The following HPSE2 variants were observed in gnomAD, a reference collection of about 807,000 sequenced individuals.
HPSE2 encodes inactive heparanase-2.
In HPSE2, 38 loss-of-function variants were observed where a neutral mutation model predicts 60.5. The observed-to-expected ratio is 0.63, with a 90% confidence interval of 0.48 to 0.82. The LOEUF (loss-of-function observed/expected upper bound fraction) is 0.82. Among genes scored for constraint, HPSE2 ranks in the 40% least tolerant of loss-of-function variants. HPSE2 has a pLI of 0.00. For synonymous variants in HPSE2, 295 were observed against 293.2 expected, an observed-to-expected ratio of 1.01 and a Z score of -0.06; for missense variants, 713 against 740.4, an observed-to-expected ratio of 0.96 and a Z score of 0.43.
the HPSE2 span, among the ~76,000 whole-genome samples, chr10:99,268,228 T>C: frequency 6.6e-6 from 1 of 152,196 alleles, no homozygotes; most frequent in South Asian, 2.1e-4. Flanking sequence ...AGATACAGCC[T>C]GTTTCAACAA....
At chr10:99,166,297 T>C (rs1847080563) in intron 2 of HPSE2, among the ~76,000 whole-genome samples, 1 of 152,206 alleles carries the variant, frequency 6.6e-6, no homozygotes, top group Non-Finnish European at 1.5e-5. Flanking sequence ...TGAACATTAG[T>C]TTTCAGTTGA....
chr10:98,604,636 T>C (rs1337395694), intron 9 of HPSE2, among the ~76,000 whole-genome samples: 1 of 152,196 alleles, frequency 6.6e-6, no homozygotes, highest in Non-Finnish European at 1.5e-5. Flanking sequence ...CAGTCGTAAG[T>C]ACTATAACAG....
chr10:99,238,934 C>T (rs747830076), upstream of HPSE2, among the ~76,000 whole-genome samples: 6 of 151,952 alleles, frequency 3.9e-5, no homozygotes, highest in Non-Finnish European at 7.4e-5. Context: ...CCAAGGCAGG[C>T]GGATCACCTG....
chr10:98,477,884 A>T (rs1407866944), intron 11 of HPSE2, among the ~76,000 whole-genome samples: 1 of 150,692 alleles, frequency 6.6e-6, no homozygotes, highest in Non-Finnish European at 1.5e-5. Flanking sequence ...TTCTCATAGA[A>T]GTGTGAACCC....
chr10:99,119,674 C>T (rs1455683623), intron 3 of HPSE2, among the ~76,000 whole-genome samples: 1 of 152,164 alleles, frequency 6.6e-6, no homozygotes, highest in African/African-American at 2.4e-5. Context: ...GGCATTACAT[C>T]ATACTACCTG....
At chr10:99,013,203 G>C in intron 3 of HPSE2, 1 of 667,292 alleles carries the variant, frequency 1.5e-6, no homozygotes, top group Admixed American at 1.9e-5. Flanking sequence ...ATCTTTAATA[G>C]ATGTTAGCTT....
At chr10:98,531,562 A>G (rs1943132149) in intron 9 of HPSE2, among the ~76,000 whole-genome samples, 1 of 152,210 alleles carries the variant, frequency 6.6e-6, no homozygotes, top group South Asian at 2.1e-4. Flanking sequence ...CTCATGACGA[A>G]TGATCATGGC....
chr10:99,291,660 C>T, the HPSE2 span, among the ~76,000 whole-genome samples: 5 of 151,412 alleles, frequency 3.3e-5, no homozygotes, highest in African/African-American at 1.2e-4. Context: ...GGCATCCTAT[C>T]TCGTTTTTTC....
chr10:99,009,564 C>A (rs1056880459), intron 3 of HPSE2, among the ~76,000 whole-genome samples: 5 of 152,186 alleles, frequency 3.3e-5, no homozygotes, highest in African/African-American at 1.2e-4. Flanking sequence ...AGGGAAAAGG[C>A]AGCCAGTTTC....
chr10:98,849,818 C>G (rs1031793820), intron 3 of HPSE2, among the ~76,000 whole-genome samples: 1 of 152,066 alleles, frequency 6.6e-6, no homozygotes, highest in Non-Finnish European at 1.5e-5. Flanking sequence ...AATCTCGGCT[C>G]ACTGCAACCT....
intron 3 of HPSE2, among the ~76,000 whole-genome samples, chr10:99,049,636 AC>A (rs1194111530): frequency 1.3e-5 from 2 of 152,152 alleles, no homozygotes; most frequent in East Asian, 3.8e-4. Flanking sequence ...GGGAAAAAAA[AC>A]AACTTGTCTA....
intron 9 of HPSE2, among the ~76,000 whole-genome samples, chr10:98,613,755 C>G (rs1166632035): frequency 1.3e-5 from 2 of 152,216 alleles, no homozygotes; most frequent in Non-Finnish European, 1.5e-5. Context: ...TTGCCCCTCC[C>G]CTAGCTAGCA....
intron 3 of HPSE2, among the ~76,000 whole-genome samples, chr10:98,967,906 T>C (rs1020850207): frequency 6.6e-6 from 1 of 152,070 alleles, no homozygotes; most frequent in African/African-American, 2.4e-5. Context: ...CAGTAAAGAC[T>C]GAAATTCTGA....
At chr10:98,634,503 C>T (rs1946445813) in intron 7 of HPSE2, among the ~76,000 whole-genome samples, 1 of 149,164 alleles carries the variant, frequency 6.7e-6, no homozygotes, top group Non-Finnish European at 1.5e-5. Flanking sequence ...TTCTATGGTG[C>T]TCAAGAAGAA....
At chr10:98,760,917 G>A (rs1949990106) in intron 3 of HPSE2, among the ~76,000 whole-genome samples, 1 of 152,038 alleles carries the variant, frequency 6.6e-6, no homozygotes, top group Non-Finnish European at 1.5e-5. Flanking sequence ...TAAATGTTTG[G>A]TAGAGTTCAC....
chr10:98,659,438 T>A (rs1172371925), intron 6 of HPSE2, among the ~76,000 whole-genome samples: 1 of 152,254 alleles, frequency 6.6e-6, no homozygotes, highest in Admixed American at 6.5e-5. Context: ...TTGTCCTTTA[T>A]GACTGGCTTC....
intron 2 of HPSE2, among the ~76,000 whole-genome samples, chr10:99,203,293 C>T (rs1848636754): frequency 6.6e-6 from 1 of 152,098 alleles, no homozygotes; most frequent in South Asian, 2.1e-4. Flanking sequence ...AGATGGCTCC[C>T]TGCAGCCCTA....
intron 11 of HPSE2, among the ~76,000 whole-genome samples, chr10:98,462,900 T>C (rs938411721): frequency 1.3e-5 from 2 of 152,076 alleles, no homozygotes; most frequent in African/African-American, 4.8e-5. Flanking sequence ...TCCACAGGAA[T>C]TTCAAAGTCA....
intron 3 of HPSE2, among the ~76,000 whole-genome samples, chr10:98,773,704 T>C (rs1950286111): frequency 6.6e-6 from 1 of 152,136 alleles, no homozygotes; most frequent in African/African-American, 2.4e-5. Flanking sequence ...ACAGAGAGGA[T>C]GACTAAAAAG....
Sources: gnomAD v4.1 joint callset for allele counts (sites outside exome capture counted in the v4.1 genomes callset) on GRCh38, gnomAD v4.1.1 for gene constraint, MANE v1.5 for transcripts, NCBI Gene and HGNC (gene_info 2026-07-23, HGNC 2026-07-21) for gene names.